The following SPOCK3 variants were observed in gnomAD, a reference collection of about 807,000 sequenced individuals.
The protein encoded by SPOCK3 is SPARC (osteonectin), cwcv and kazal like domains proteoglycan 3.
A neutral mutation model predicts 56.6 loss-of-function variants in SPOCK3; 30 were observed. The ratio of observed to expected loss-of-function variants is 0.53; its 90% confidence interval spans 0.40 to 0.72. The LOEUF (loss-of-function observed/expected upper bound fraction) is 0.72. SPOCK3 is among the 30% of genes least tolerant of loss of function. The pLI is 0.00. For synonymous variants in SPOCK3, 196 were observed against 183.3 expected (o/e 1.07, Z -0.56); for missense variants, 527 against 530.0 (o/e 0.99, Z 0.06).
chr4:166,930,154 AT>A lies in SPOCK3; in HGVS notation c.351-17412del, dbSNP rs202140480. On this transcript the variant is annotated intron_variant, in intron 4 of 10. Transcript: ENST00000357545. ...ATCGACTGACTTTGTTTATAAAAAA[AT>A]GTTTTGCTAGAAGCATAACTAATCT... Among the ~76,000 whole-genome samples, 118 of 152,254 alleles carry A rather than the reference AT, an allele frequency of 7.8e-4. No individual in the cohort carries two copies. In the East Asian group the frequency reaches 0.015, roughly 19 times the overall value.
intron 4 of SPOCK3, among the ~76,000 whole-genome samples, chr4:166,956,431 A>G (rs1743483394): frequency 6.6e-6 from 1 of 152,124 alleles, no homozygotes; most frequent in African/African-American, 2.4e-5. Context: ...TCAGCAGTAG[A>G]TCCAATAACC....
chr4:167,182,724 G>C (rs900556966), intron 2 of SPOCK3, among the ~76,000 whole-genome samples: 1 of 152,068 alleles, frequency 6.6e-6, no homozygotes, highest in Non-Finnish European at 1.5e-5. Context: ...TTTTAGTGGA[G>C]ACAGGGTTTC....
chr4:167,058,279 G>C (rs961665588), intron 3 of SPOCK3, among the ~76,000 whole-genome samples: 1 of 152,150 alleles, frequency 6.6e-6, no homozygotes, highest in Non-Finnish European at 1.5e-5. Context: ...ATCTCCTTAA[G>C]CTGATAAGCA....
intron 2 of SPOCK3, among the ~76,000 whole-genome samples, chr4:167,077,100 CAGA>C (rs1397490962): frequency 1.3e-5 from 2 of 151,712 alleles, no homozygotes; most frequent in East Asian, 1.9e-4. Context: ...TGAAAGGCAC[CAGA>C]AGATTTCTCA....
chr4:167,057,971 C>A (rs1457576489), intron 3 of SPOCK3, among the ~76,000 whole-genome samples: 1 of 152,114 alleles, frequency 6.6e-6, no homozygotes, highest in Non-Finnish European at 1.5e-5. Context: ...CACCCCAAAT[C>A]AACAGAATAT....
intron 2 of SPOCK3, among the ~76,000 whole-genome samples, chr4:167,205,530 T>TATAATATATAATATATAATATATAA (rs1343035754): frequency 1.3e-4 from 8 of 60,204 alleles, no homozygotes; most frequent in African/African-American, 6.1e-4. Flanking sequence ...ATATATATTA[T>TATAATATATAATATATAATATATAA]TATATAATAT....
At chr4:167,037,859 G>C (rs1197486780) in intron 3 of SPOCK3, among the ~76,000 whole-genome samples, 1 of 152,164 alleles carries the variant, frequency 6.6e-6, no homozygotes, top group African/African-American at 2.4e-5. Context: ...ATTAGATAAA[G>C]TACATGTCTA....
At chr4:166,911,124 T>C (rs1737218533) in intron 5 of SPOCK3, among the ~76,000 whole-genome samples, 1 of 152,146 alleles carries the variant, frequency 6.6e-6, no homozygotes, top group Admixed American at 6.6e-5. Context: ...AAGACCATGT[T>C]GAAAGGACCC....
At chr4:166,962,737 C>T (rs967339749) in intron 4 of SPOCK3, among the ~76,000 whole-genome samples, 12 of 152,050 alleles carry the variant, frequency 7.9e-5, no homozygotes, top group African/African-American at 2.7e-4. Flanking sequence ...ACAGAGAAGC[C>T]TAGGTAGCTG....
At chr4:166,930,563 G>GA (rs1388821343) in intron 4 of SPOCK3, among the ~76,000 whole-genome samples, 2 of 151,072 alleles carry the variant, frequency 1.3e-5, no homozygotes, top group Admixed American at 6.6e-5. Flanking sequence ...ATAAAAATGA[G>GA]AAAAAAGCAA....
intron 2 of SPOCK3, among the ~76,000 whole-genome samples, chr4:167,174,101 CCTTA>C (rs1249885314): frequency 5.9e-5 from 9 of 151,970 alleles, no homozygotes; most frequent in African/African-American, 7.3e-5. Context: ...ACATTTTATT[CCTTA>C]CTTATTTATG....
At chr4:166,905,379 A>C (rs1488372620) in intron 5 of SPOCK3, among the ~76,000 whole-genome samples, 1 of 152,036 alleles carries the variant, frequency 6.6e-6, no homozygotes, top group African/African-American at 2.4e-5. Flanking sequence ...TAACATGAAA[A>C]TTCCACAACT....
intron 2 of SPOCK3, among the ~76,000 whole-genome samples, chr4:167,191,386 T>A (rs1732458746): frequency 6.9e-6 from 1 of 145,836 alleles, no homozygotes; most frequent in South Asian, 2.1e-4. Context: ...TGTATGGACA[T>A]TTTAACAACA....
chr4:166,793,764 A>C (rs1403165051), intron 6 of SPOCK3, among the ~76,000 whole-genome samples: 1 of 152,206 alleles, frequency 6.6e-6, no homozygotes, highest in Non-Finnish European at 1.5e-5. Context: ...CAATATTTAA[A>C]TAACACTGAA....
intron 3 of SPOCK3, among the ~76,000 whole-genome samples, chr4:167,017,952 A>G (rs1750795092): frequency 6.6e-6 from 1 of 152,114 alleles, no homozygotes; most frequent in Non-Finnish European, 1.5e-5. Context: ...AAATTAGAGT[A>G]AGTAACAAGT....
At chr4:166,870,853 A>T (rs1235837077) in intron 6 of SPOCK3, among the ~76,000 whole-genome samples, 1 of 152,024 alleles carries the variant, frequency 6.6e-6, no homozygotes, top group East Asian at 1.9e-4. Context: ...GTGGGAGGTG[A>T]TTGGATCATG....
chr4:166,822,935 A>G (rs1745079696), intron 6 of SPOCK3, among the ~76,000 whole-genome samples: 1 of 152,048 alleles, frequency 6.6e-6, no homozygotes, highest in South Asian at 2.1e-4. Context: ...ACAAAAACAG[A>G]AAACATTAAA....
chr4:167,040,929 G>A lies in SPOCK3; in HGVS notation c.235+21563C>T, dbSNP rs545476903. Among the ~76,000 whole-genome samples the A allele has an allele frequency of 1.9e-3, 287 of 152,254 alleles. 1 individual carries two copies. Among genetic ancestry groups the A allele is most frequent in the African/African-American group, 6.4e-3 (265 of 41,538 alleles). On this transcript the variant is annotated intron_variant, in intron 3 of 10. Coordinates refer to ENST00000357545, the MANE Select transcript of SPOCK3 (RefSeq NM_001040159.2). ...TGATTTATACAAAGTTACAGTGAGT[G>A]GAAAGAATTTAGTTCATTTTCTAGT...
At chr4:166,902,291 T>C (rs889762116) in intron 5 of SPOCK3, among the ~76,000 whole-genome samples, 2 of 152,116 alleles carry the variant, frequency 1.3e-5, no homozygotes, top group African/African-American at 4.8e-5. Flanking sequence ...GACTTTACTT[T>C]GGTAATCTCT....
Sources: allele counts gnomAD v4.1 joint callset (sites outside exome capture counted in the v4.1 genomes callset), GRCh38; gene constraint gnomAD v4.1.1; transcripts MANE v1.5; gene names NCBI Gene and HGNC (gene_info 2026-07-23, HGNC 2026-07-21).